TRIML1: variants seen among roughly 807,000 people sequenced by gnomAD.
TRIML1 encodes probable E3 ubiquitin-protein ligase TRIML1.
In TRIML1, 34 loss-of-function variants were observed where a neutral mutation model predicts 32.3. That is an observed-to-expected ratio of 1.05 (90% CI 0.80 to 1.40). The LOEUF is 1.40. Ranked by LOEUF, TRIML1 falls within the 40% of genes most tolerant of loss-of-function variation. The pLI is 0.00. For synonymous variants in TRIML1, 244 were observed against 226.6 expected (o/e 1.08, Z -0.69); for missense variants, 595 against 574.9 (o/e 1.03, Z -0.36).
upstream of TRIML1, among the ~76,000 whole-genome samples, chr4:188,138,987 A>C (rs892821670): frequency 6.6e-6 from 1 of 152,058 alleles, no homozygotes; most frequent in African/African-American, 2.4e-5. Flanking sequence ...AAGGAACAAA[A>C]GCTTAGGCTT....
At position 188,143,058 on chromosome 4, in the gene TRIML1, C is replaced by CTTT. The variant is rs34776156; in HGVS notation, c.735+589_735+591dup. 6.9e-4 allele frequency: 97 copies of CTTT among 140,468 alleles called. 2 individuals carry two copies. The highest frequency in any genetic ancestry group is 3.7e-3 in the Middle Eastern group (1 of 270). 8.7% of individuals were successfully genotyped at this position (140,468 alleles called of 1,614,324 possible). A position where few individuals can be genotyped will look rare whatever the true frequency, so the allele number is the denominator to read the frequency against. On this transcript the variant is annotated intron_variant, in intron 3 of 5. Transcript: ENST00000332517. ...TCTAGGCTGCTGCATTCTTCAGGAC[C>CTTT]TTTTTTTTTTTTTTTGAGACAGAGT... is the stretch of plus-strand genomic sequence containing the variant.
At chr4:188,144,719 G>A (rs554103817) in intron 5 of TRIML1, among the ~76,000 whole-genome samples, 2 of 151,922 alleles carry the variant, frequency 1.3e-5, no homozygotes, top group East Asian at 1.9e-4. Flanking sequence ...CCCCTTGCAC[G>A]TGCAGACACG....
Position 188,144,020 on chromosome 4 carries a change from C to T in TRIML1, c.759-16C>T. The stretch of plus-strand genomic sequence containing the variant: ...GCGGTCTGTGCCGAGGAGTGAACCT[C>T]TCTGCTCTCTTGCAGGAGCGAGCCA... On this transcript the variant is annotated splice_polypyrimidine_tract_variant and intron_variant, in intron 4 of 5. Coordinates refer to ENST00000332517, the MANE Select transcript of TRIML1 (RefSeq NM_178556.5). 1 of 1,613,346 alleles carries T rather than the reference C, an allele frequency of 6.2e-7. No individual in the cohort carries two copies. Among genetic ancestry groups the T allele is most frequent in the Non-Finnish European group, 8.5e-7 (1 of 1,179,560 alleles).
At chr4:188,142,927 C>A (rs74189552) in intron 3 of TRIML1, 4,175 of 161,330 alleles carry the variant, frequency 0.026, 99 homozygotes, top group African/African-American at 0.062. Context: ...ATTATTCATA[C>A]CTGTGGTACT....
At chr4:188,144,443 A>G (rs912469376) in intron 5 of TRIML1, among the ~76,000 whole-genome samples, 8 of 148,734 alleles carry the variant, frequency 5.4e-5, no homozygotes, top group Admixed American at 3.4e-4. Flanking sequence ...GCTCACTGCA[A>G]GCTCCGCTTC....
In TRIML1 at chr4:188,140,570, A is replaced by C; in HGVS notation, c.451A>C (p.Lys151Gln). The C allele has an allele frequency of 6.2e-7, 1 of 1,614,112 alleles. No individual in the cohort carries two copies. Among genetic ancestry groups the C allele is most frequent in the Non-Finnish European group, 8.5e-7 (1 of 1,179,984 alleles). ...EILNLLRVRR[K>Q]EAQAVLTHEK... is the part of the protein sequence containing the mutation. The stretch of plus-strand genomic sequence containing the variant: ...CCTGAATCTTTTGCGTGTAAGGAGA[A>C]AGGAAGCTCAGGCTGTACTAACCCA... The change falls in exon 2 of 6, where the codon AAG becomes CAG. Residue 151 changes from lysine to glutamine, a missense_variant. By Grantham distance (53) the Lys-to-Gln change is moderately conservative. Transcript: ENST00000332517.
At chr4:188,141,986 C>T (rs1292940100) in intron 2 of TRIML1, among the ~76,000 whole-genome samples, 6 of 151,836 alleles carry the variant, frequency 4.0e-5, no homozygotes, top group Non-Finnish European at 8.8e-5. Flanking sequence ...GTGGCACACT[C>T]CTAGACTATA....
chr4:188,143,625 A>C (rs977583299), intron 3 of TRIML1: 1 of 648,270 alleles, frequency 1.5e-6, no homozygotes, highest in Admixed American at 2.6e-5. Context: ...AGGACAAAGT[A>C]TTCTCTAGTC....
Position 188,142,219 on chromosome 4 carries a change from TGTGTGTGTGTGTGTGTG to T in TRIML1, c.505-32_505-16del, listed in dbSNP as rs1392906026. 1 of 1,016,556 alleles carries T rather than the reference TGTGTGTGTGTGTGTGTG, an allele frequency of 9.8e-7. No homozygotes were observed. Among genetic ancestry groups the T allele is most frequent in the Admixed American group, 2.4e-5 (1 of 40,868 alleles). 63.0% of individuals were successfully genotyped at this position (1,016,556 alleles called of 1,614,324 possible). A position where few individuals can be genotyped will look rare whatever the true frequency, so the allele number is the denominator to read the frequency against. On this transcript the variant is annotated splice_polypyrimidine_tract_variant and intron_variant, in intron 2 of 5. Transcript: ENST00000332517. ...ACTAACTTTATCTCGTGTGTGTGTG[TGTGTGTGTGTGTGTGTG>T]TGTGTGTTTTGGCAGGAAGAAACAA...
intron 3 of TRIML1, chr4:188,143,344 G>A (rs7377535): frequency 0.51 from 81,402 of 158,228 alleles, 21,939 homozygotes; most frequent in South Asian, 0.62. Flanking sequence ...GAGAGCCACC[G>A]GCACCCGGCC....
chr4:188,145,696 C>A (rs542509086), intron 5 of TRIML1, among the ~76,000 whole-genome samples: 2 of 150,838 alleles, frequency 1.3e-5, no homozygotes, highest in South Asian at 4.2e-4. Context: ...TGGTGGTGGA[C>A]AAGACTACTA....
At chr4:188,149,479 G>C (rs921176483), downstream of TRIML1, among the ~76,000 whole-genome samples, 2 of 134,734 alleles carry the variant, frequency 1.5e-5, no homozygotes, top group Non-Finnish European at 3.2e-5. Context: ...CAGCACACAA[G>C]GCCTTAAAAA....
intron 2 of TRIML1, 35 bp from the exon 3 acceptor site, chr4:188,142,207 CGTGTGTGTGT>C (rs61461219): frequency 0.013 from 13,462 of 1,001,618 alleles, 47 homozygotes; most frequent in Admixed American, 0.069. Flanking sequence ...AACTTTATCT[CGTGTGTGTGT>C]GTGTGTGTGT....
chr4:188,147,373 G>C lies in TRIML1; in HGVS notation c.*1G>C, dbSNP rs199989303. On this transcript the variant is annotated 3_prime_UTR_variant, in exon 6 of 6. Coordinates refer to ENST00000332517, the MANE Select transcript of TRIML1 (RefSeq NM_178556.5). ...CTGCTCACTGAACAGCCACGTCTGAGGGGCGTGCCCTGAGCCGTCACAGCG... is the reference window on the plus strand; with the variant it reads ...CTGCTCACTGAACAGCCACGTCTGACGGGCGTGCCCTGAGCCGTCACAGCG... The C allele has an allele frequency of 2.0e-6, 3 of 1,490,978 alleles. No individual in the cohort carries two copies. Among genetic ancestry groups the C allele is most frequent in the Middle Eastern group, 1.9e-4 (1 of 5,298 alleles). The allele number at this position is 1,490,978 out of a possible 1,614,324, so 92.4% of individuals were successfully genotyped here. A position where few individuals can be genotyped will look rare whatever the true frequency, so the allele number is the denominator to read the frequency against.
chr4:188,142,206 TCGTGTGTGTGTGTGTG>T, intron 2 of TRIML1, 30 bp from the exon 3 acceptor site: 1 of 1,135,676 alleles, frequency 8.8e-7, no homozygotes, highest in Non-Finnish European at 1.2e-6. Flanking sequence ...TAACTTTATC[TCGTGTGTGTGTGTGTG>T]TGTGTGTGTG....
In TRIML1 at chr4:188,139,777, G is replaced by T. The variant is rs748916425; in HGVS notation, c.219G>T (p.Arg73Ser). ...PHFQSNERLG[R>S]LASIARQLRS... Reference sequence around the variant, plus strand: ...TCCAGTCAAACGAGCGTCTGGGGAGGCTGGCCAGCATCGCCAGGCAGCTCC... The same window carrying T: ...TCCAGTCAAACGAGCGTCTGGGGAGTCTGGCCAGCATCGCCAGGCAGCTCC... Residue 73 changes from arginine to serine, a missense_variant, in exon 1 of 6, where the codon AGG becomes AGT. Transcript: ENST00000332517. 1 of 1,613,922 alleles carries T rather than the reference G, an allele frequency of 6.2e-7. No individual in the cohort carries two copies. The highest frequency in any genetic ancestry group is 1.7e-5 in the Admixed American group (1 of 60,002).
At chr4:188,147,929 G>A (rs188679897), downstream of TRIML1, among the ~76,000 whole-genome samples, 39 of 152,230 alleles carry the variant, frequency 2.6e-4, no homozygotes, top group Non-Finnish European at 4.7e-4. Context: ...TTGTACTCAG[G>A]AAGGCTTATA....
downstream of TRIML1, among the ~76,000 whole-genome samples, chr4:188,149,429 A>G (rs1735194742): frequency 6.6e-6 from 1 of 152,102 alleles, no homozygotes; most frequent in Non-Finnish European, 1.5e-5. Flanking sequence ...TGTAAATTGG[A>G]GACTCGGTTG....
upstream of TRIML1, among the ~76,000 whole-genome samples, chr4:188,137,980 AC>A (rs111747812): frequency 4.1e-5 from 6 of 147,132 alleles, no homozygotes; most frequent in African/African-American, 1.5e-4. Context: ...TGAAGCTGTG[AC>A]AAGTTAGTAT....
Sources: gnomAD v4.1 joint callset for allele counts (sites outside exome capture counted in the v4.1 genomes callset) on GRCh38, gnomAD v4.1.1 for gene constraint, MANE v1.5 for transcripts, NCBI Gene and HGNC (gene_info 2026-07-23, HGNC 2026-07-21) for gene names.